Variants in PRPF19 observed in about 807,000 individuals in gnomAD.
The protein encoded by PRPF19 is pre-mRNA processing factor 19, also known as pre-mRNA-processing factor 19.
A neutral mutation model predicts 64.2 loss-of-function variants in PRPF19; 2 were observed. The observed-to-expected ratio is 0.03, with a 90% CI of 0.01 to 0.10. PRPF19 has a LOEUF of 0.10. Ranked by LOEUF, PRPF19 falls within the 10% of genes least tolerant of loss-of-function variation. The pLI, the probability that PRPF19 is intolerant of heterozygous loss-of-function variation, is 1.00. For missense variants in PRPF19, 314 were observed against 650.0 expected, an observed-to-expected ratio of 0.48 and a Z score of 5.62; for synonymous variants, 226 against 251.6, an observed-to-expected ratio of 0.90 and a Z score of 0.96.
intron 10 of PRPF19, among the ~76,000 whole-genome samples, chr11:60,899,511 G>A (rs1397990394): frequency 6.6e-6 from 1 of 152,198 alleles, no homozygotes. Flanking sequence ...ACAGCATCAG[G>A]GCTTGTGGAG....
chr11:60,901,194 C>A (rs1479518458), intron 8 of PRPF19, 101 bp downstream of exon 8: 2 of 1,309,298 alleles, frequency 1.5e-6, no homozygotes, highest in Admixed American at 2.0e-5. Flanking sequence ...GCGCCAGGAA[C>A]CTGGGACAGC....
In PRPF19 at chr11:60,898,624, G is replaced by T; in HGVS notation, c.1057C>A (p.Leu353Ile). The T allele has an allele frequency of 6.2e-7, 1 of 1,614,092 alleles. No individual in the cohort carries two copies. The highest frequency in any genetic ancestry group is 1.1e-5 in the South Asian group (1 of 91,042). ...TCAGGGTGGAACTGTGCACAGGTGA[G>T]AGCTGTGGAGGAGGGAAGAGAGACC... is the stretch of plus-strand genomic sequence containing the variant. ...KVTDETSGCSLTCAQFHPDGL... is the reference protein window; with the variant it reads ...KVTDETSGCSITCAQFHPDGL... The change falls in exon 13 of 16, where the codon CTC (leucine) becomes ATC (isoleucine). Residue 353 changes from leucine to isoleucine, a missense_variant and splice_region_variant. Coordinates refer to ENST00000227524, the MANE Select transcript of PRPF19 (RefSeq NM_014502.5). The surrounding 1 kb of genome is among the most constrained non-coding windows in gnomAD (Gnocchi z 4.6).
chr11:60,893,688 T>C (rs986788437), intron 15 of PRPF19, among the ~76,000 whole-genome samples: 3 of 150,948 alleles, frequency 2.0e-5, no homozygotes, highest in African/African-American at 7.3e-5. Context: ...GGCATGGTGG[T>C]TCATGCCTGT....
chr11:60,897,727 T>G, intron 15 of PRPF19, 119 bp downstream of exon 15: 1 of 787,442 alleles, frequency 1.3e-6, no homozygotes, highest in Non-Finnish European at 2.1e-6. Flanking sequence ...CTGCCTCAGG[T>G]GGTAACAGAA....
chr11:60,905,652 T>A (rs989174327), intron 1 of PRPF19, among the ~76,000 whole-genome samples: 1 of 152,246 alleles, frequency 6.6e-6, no homozygotes, highest in Non-Finnish European at 1.5e-5. Flanking sequence ...ACTGACTAGC[T>A]ACGCATCCTT....
At chr11:60,891,363 A>T in intron 15 of PRPF19, 100 bp from the exon 16 acceptor site, 1 of 891,722 alleles carries the variant, frequency 1.1e-6, no homozygotes, top group Non-Finnish European at 1.8e-6. Context: ...GGCCTTCTCT[A>T]ATTAGTATTT....
In PRPF19 at chr11:60,890,782, C is replaced by T. The variant is rs775807695; in HGVS notation, c.*384G>A. The T allele has an allele frequency of 3.0e-5, 14 of 463,932 alleles. No individual in the cohort carries two copies. The highest frequency in any genetic ancestry group is 2.2e-4 in the South Asian group (14 of 64,622). 28.7% of individuals were successfully genotyped at this position (463,932 alleles called of 1,614,324 possible). ...AGATCACTGCTTACAAAACCCTGCA[C>T]AAGCCCTCCTGCCCATCCCCTTCAC... On this transcript the variant is annotated 3_prime_UTR_variant, in exon 16 of 16. Transcript: ENST00000227524.
rs552051980 is a variant in PRPF19, at chr11:60,906,212, G to C, written c.19+152C>G. The C allele has an allele frequency of 1.1e-4, 138 of 1,264,706 alleles. 1 individual carries two copies. The highest frequency in any genetic ancestry group is 5.9e-4 in the South Asian group (34 of 57,478). 78.3% of individuals were successfully genotyped at this position (1,264,706 alleles called of 1,614,324 possible). ...TGCGCAAATGCACCCCGCTCCGACGGGGGGGGCTCCGGTGCTGACAGGCCG... is the reference window on the plus strand; with the variant it reads ...TGCGCAAATGCACCCCGCTCCGACGCGGGGGGCTCCGGTGCTGACAGGCCG... On this transcript the variant is annotated intron_variant, in intron 1 of 15. Transcript: ENST00000227524.
At position 60,902,557 on chromosome 11, in the gene PRPF19, G is replaced by A; in HGVS notation, c.462+26C>T. The stretch of plus-strand genomic sequence containing the variant: ...GTGGGCCACTGTACACAAATGGGCT[G>A]CTGGTAAGGGAAGGGGGACACTTAC... On this transcript the variant is annotated intron_variant, in intron 5 of 15. Coordinates refer to ENST00000227524, the MANE Select transcript of PRPF19 (RefSeq NM_014502.5). This position sits in a 1 kb window ranked among gnomAD's most constrained non-coding sequence, Gnocchi z 5.0. The A allele has an allele frequency of 6.2e-7, 1 of 1,609,650 alleles. No homozygotes were observed. Among genetic ancestry groups the A allele is most frequent in the Non-Finnish European group, 8.5e-7 (1 of 1,175,908 alleles).
chr11:60,891,243 C>T lies in PRPF19; in HGVS notation c.1438G>A (p.Gly480Arg). 1 of 1,613,768 alleles carries T rather than the reference C, an allele frequency of 6.2e-7. No individual in the cohort carries two copies. Among genetic ancestry groups the T allele is most frequent in the Non-Finnish European group, 8.5e-7 (1 of 1,179,962 alleles). ...TTGGCGTGATGCCCGAAGGCCACCCCTGTGGTCAGGCCGCTATGCTCTGAG... is the reference window on the plus strand; with the variant it reads ...TTGGCGTGATGCCCGAAGGCCACCCTTGTGGTCAGGCCGCTATGCTCTGAG... ...HFTEHSGLTT[G>R]VAFGHHAKFI... is the part of the protein sequence containing the mutation. The change falls in exon 16 of 16, where the codon GGG (glycine) becomes AGG (arginine). Residue 480 changes from glycine to arginine, a missense_variant. By Grantham distance (125) the Gly-to-Arg change is moderately radical (BLOSUM62 -2). This residue lies in a region of PRPF19 where 47 missense variants were observed against 94.5 expected (regional missense o/e 0.50). Transcript: ENST00000227524.
rs1287427849 is a variant in PRPF19 at position 60,902,154 on chromosome 11, T to G, written c.525+249A>C. ...AAATTCCCACAGCCTGCCTATACAG[T>G]GGATATGATCATATTCTCAGTTTAG... is the stretch of plus-strand genomic sequence containing the variant. On this transcript the variant is annotated intron_variant, in intron 6 of 15. Coordinates refer to ENST00000227524, the MANE Select transcript of PRPF19 (RefSeq NM_014502.5). This position sits in a 1 kb window ranked among gnomAD's most constrained non-coding sequence, Gnocchi z 5.0. Among the ~76,000 whole-genome samples the G allele has an allele frequency of 2.0e-5, 3 of 152,170 alleles. No individual in the cohort carries two copies.
rs1802965015 is a variant in PRPF19, at chr11:60,900,808, C to A, written c.718+46G>T. On this transcript the variant is annotated intron_variant, in intron 9 of 15. Coordinates refer to ENST00000227524, the MANE Select transcript of PRPF19 (RefSeq NM_014502.5). ...GGACAAGGAGCATGCGCCTTCCCTG[C>A]TGCCCCTCCCCACTTTGGCCTGCCG... 2.5e-6 allele frequency: 4 copies of A among 1,608,174 alleles called. 1 individual carries two copies. The highest frequency in any genetic ancestry group is 3.3e-4 in the Middle Eastern group (2 of 6,048).
In PRPF19 at chr11:60,903,518, G is replaced by C; in HGVS notation, c.187C>G (p.Pro63Ala). 6.2e-7 allele frequency: 1 copy of C among 1,614,094 alleles called. No homozygotes were observed. The highest frequency in any genetic ancestry group is 8.5e-7 in the Non-Finnish European group (1 of 1,180,016). Reference protein sequence around the residue: ...IDIKVAHPIRPKPPSATSIPA... With the variant: ...IDIKVAHPIRAKPPSATSIPA... ...ATGCTGGTGGCTGAGGGAGGCTTGG[G>C]CCGGATTGGGTGAGCAACTGCCGAA... Residue 63 changes from proline to alanine, a missense_variant, in exon 3 of 16, where the codon CCC becomes GCC. Physicochemically the swap from Pro to Ala is conservative, Grantham distance 27. Transcript: ENST00000227524.
intron 6 of PRPF19, 30 bp from the exon 7 acceptor site, chr11:60,901,570 A>C (rs1465043985): frequency 1.2e-6 from 2 of 1,613,118 alleles, no homozygotes; most frequent in East Asian, 4.5e-5. Flanking sequence ...ATGTGAGACA[A>C]ATCATCTTGC....
In PRPF19 at chr11:60,900,881, G is replaced by A. The variant is rs1401985215; in HGVS notation, c.691C>T (p.Pro231Ser). 3.1e-6 allele frequency: 5 copies of A among 1,614,150 alleles called. No individual in the cohort carries two copies. The highest frequency in any genetic ancestry group is 4.2e-6 in the Non-Finnish European group (5 of 1,180,026). ...IPGILALDLCPSDTNKILTGG... is the reference protein window; with the variant it reads ...IPGILALDLCSSDTNKILTGG... ...GTGAGGATCTTGTTGGTGTCGGACG[G>A]GCAGAGGTCCAGGGCCAGGATCCCA... The change falls in exon 9 of 16, where the codon CCG becomes TCG. Residue 231 changes from proline to serine, a missense_variant. Physicochemically the swap from Pro to Ser is moderately conservative, Grantham distance 74. Transcript: ENST00000227524.
In PRPF19 at chr11:60,906,455, T is replaced by G. The variant is rs1369960001; in HGVS notation, c.-73A>C. On this transcript the variant is annotated 5_prime_UTR_variant, in exon 1 of 16. Transcript: ENST00000227524. ...AGCTTCTGAGCCTCCGCGAGCCACT[T>G]CCGGTCCCCCGCTGCTGCCGGGACT... is the stretch of plus-strand genomic sequence containing the variant. 1.4e-6 allele frequency: 2 copies of G among 1,480,598 alleles called. No homozygotes were observed. The highest frequency in any genetic ancestry group is 2.5e-5 in the East Asian group (1 of 40,588). The allele number at this position is 1,480,598 out of a possible 1,614,324, so 91.7% of individuals were successfully genotyped here.
chr11:60,894,123 A>C (rs191497843), intron 15 of PRPF19, among the ~76,000 whole-genome samples: 1 of 152,298 alleles, frequency 6.6e-6, no homozygotes. Flanking sequence ...CTAACTGACA[A>C]GGGTGGTGTT....
intron 10 of PRPF19, among the ~76,000 whole-genome samples, 182 bp from the exon 11 acceptor site, chr11:60,899,486 A>G (rs908310811): frequency 1.3e-5 from 2 of 152,198 alleles, no homozygotes; most frequent in African/African-American, 2.4e-5. Context: ...AAACGCTATT[A>G]AAGTGCTAAC....
rs1244832452 is a variant in PRPF19, at chr11:60,891,097, C to T, written c.*69G>A. On this transcript the variant is annotated 3_prime_UTR_variant, in exon 16 of 16. Coordinates refer to ENST00000227524, the MANE Select transcript of PRPF19 (RefSeq NM_014502.5). The stretch of plus-strand genomic sequence containing the variant: ...CCTCCCCCCATAGATTCCCCCCACC[C>T]CCCCCCCCAAACCCTAATTCTACCC... The T allele has an allele frequency of 1.6e-5, 4 of 245,830 alleles. No individual in the cohort carries two copies. The highest frequency in any genetic ancestry group is 3.0e-5 in the Non-Finnish European group (4 of 131,432). The allele number at this position is 245,830 out of a possible 1,614,324, so 15.2% of individuals were successfully genotyped here.
Sources: allele counts gnomAD v4.1 joint callset (sites outside exome capture counted in the v4.1 genomes callset), GRCh38; gene constraint gnomAD v4.1.1; regional missense constraint gnomAD v4.1.1; non-coding constraint Gnocchi (gnomAD v3.1); transcripts MANE v1.5; gene names NCBI Gene and HGNC (gene_info 2026-07-23, HGNC 2026-07-21).